TXNRD1: variants seen among roughly 807,000 people sequenced by gnomAD.
TXNRD1 encodes thioredoxin reductase 1, cytoplasmic.
A neutral mutation model predicts 80.3 loss-of-function variants in TXNRD1; 57 were observed. The ratio of observed to expected loss-of-function variants is 0.71; its 90% confidence interval spans 0.57 to 0.89. TXNRD1 has a LOEUF of 0.89. TXNRD1 is among the 40% of genes least tolerant of loss of function. The pLI is 0.00. For synonymous variants in TXNRD1, 291 were observed against 285.2 expected, an observed-to-expected ratio of 1.02 and a Z score of -0.20; for missense variants, 730 against 803.0, an observed-to-expected ratio of 0.91 and a Z score of 1.10.
intron 4 of TXNRD1, among the ~76,000 whole-genome samples, chr12:104,302,109 C>T (rs2034649942): frequency 6.6e-6 from 1 of 152,150 alleles, no homozygotes. Flanking sequence ...AGGGTAGGAT[C>T]ATATATATGT....
At chr12:104,277,879 C>G (rs145744133) in intron 3 of TXNRD1, among the ~76,000 whole-genome samples, 1 of 141,836 alleles carries the variant, frequency 7.1e-6, no homozygotes, top group Non-Finnish European at 1.5e-5. Context: ...TGGCAAGATT[C>G]TTTTTTTTTT....
intron 8 of TXNRD1, 44 bp from the exon 9 acceptor site, chr12:104,319,426 A>T: frequency 7.9e-7 from 1 of 1,271,716 alleles, no homozygotes; most frequent in Non-Finnish European, 1.1e-6. Flanking sequence ...TACAATTCTG[A>T]GGAATGATTA....
chr12:104,302,904 C>T (rs534868693), intron 4 of TXNRD1, among the ~76,000 whole-genome samples: 3 of 152,276 alleles, frequency 2.0e-5, no homozygotes, highest in Non-Finnish European at 4.4e-5. Context: ...GTAAATTTTC[C>T]CACGCAGATT....
At chr12:104,284,548 A>G (rs912903731) in intron 3 of TXNRD1, 2 of 152,240 alleles carry the variant, frequency 1.3e-5, no homozygotes, top group African/African-American at 4.8e-5. Flanking sequence ...TAAATTTGTT[A>G]TAGCTTAGAT....
rs4964287 is a variant in TXNRD1 at position 104,315,781 on chromosome 12, C to T, written c.615C>T (p.Leu205=). The change falls in exon 7 of 17, where the codon CTC becomes CTT. Residue 205 remains leucine, a synonymous_variant. Transcript: ENST00000525566. Reference sequence around the variant, plus strand: ...GATTTCTCAATGTTGTTGTAGGTCTCGGAGGAACATGTGTGAATGTGGGTT... The same window carrying T: ...GATTTCTCAATGTTGTTGTAGGTCTTGGAGGAACATGTGTGAATGTGGGTT... ...TPTPLGTRWG[L]GGTCVNVGCI... 506,265 of 1,609,308 alleles carry T rather than the reference C, an allele frequency of 0.31. 81,370 individuals carry two copies. Among genetic ancestry groups the T allele is most frequent in the African/African-American group, 0.4 (30,124 of 74,716 alleles).
Position 104,334,251 on chromosome 12 carries a change from C to T in TXNRD1, c.1665C>T (p.Tyr555=). 6.6e-7 allele frequency: 1 copy of T among 1,524,622 alleles called. No individual in the cohort carries two copies. The highest frequency in any genetic ancestry group is 8.8e-7 in the Non-Finnish European group (1 of 1,133,636). 94.4% of individuals were successfully genotyped at this position (1,524,622 alleles called of 1,614,324 possible). A position where few individuals can be genotyped will look rare whatever the true frequency, so the allele number is the denominator to read the frequency against. Residue 555 remains tyrosine, a synonymous_variant, in exon 15 of 17, where the codon TAC becomes TAT. Transcript: ENST00000525566. ...TATCTTCTTAGGTTTACCATAGTTACTTTTGGCCATTGGAATGGACGATTC... is the reference window on the plus strand; with the variant it reads ...TATCTTCTTAGGTTTACCATAGTTATTTTTGGCCATTGGAATGGACGATTC... The part of the protein sequence containing the change: ...GEENIEVYHS[Y]FWPLEWTIPS...
intron 4 of TXNRD1, among the ~76,000 whole-genome samples, chr12:104,310,468 A>G (rs1332214240): frequency 4.6e-5 from 7 of 152,146 alleles, no homozygotes; most frequent in African/African-American, 1.4e-4. Flanking sequence ...TTTTGAAAAC[A>G]TTTTATTGTG....
intron 9 of TXNRD1, among the ~76,000 whole-genome samples, chr12:104,320,208 T>C (rs1441690584): frequency 3.3e-5 from 5 of 152,384 alleles, no homozygotes; most frequent in African/African-American, 9.6e-5. Context: ...TATGAAGTCA[T>C]TAAGACAGAG....
At chr12:104,248,125 A>T (rs1157405098) in intron 1 of TXNRD1, among the ~76,000 whole-genome samples, 1 of 152,226 alleles carries the variant, frequency 6.6e-6, no homozygotes, top group Non-Finnish European at 1.5e-5. Flanking sequence ...TTGAAGTGTC[A>T]TGGATGAGGC....
intron 14 of TXNRD1, among the ~76,000 whole-genome samples, chr12:104,333,084 G>T (rs2036014784): frequency 6.6e-6 from 1 of 151,792 alleles, no homozygotes; most frequent in Non-Finnish European, 1.5e-5. Flanking sequence ...AAAAAAATGT[G>T]TAATTCTTCT....
chr12:104,330,182 ATCTCCCTGTTTT>A (rs2035901283), intron 13 of TXNRD1, among the ~76,000 whole-genome samples: 1 of 152,184 alleles, frequency 6.6e-6, no homozygotes, highest in East Asian at 1.9e-4. Flanking sequence ...TAAAGATTTT[ATCTCCCTGTTTT>A]AGAGAGTGAG....
intron 3 of TXNRD1, chr12:104,280,274 C>T (rs2135734418): frequency 6.6e-6 from 1 of 152,262 alleles, no homozygotes; most frequent in East Asian, 1.9e-4. Context: ...CTCCATGACT[C>T]AGCCCTTACC....
chr12:104,327,714 A>C, intron 13 of TXNRD1, 43 bp downstream of exon 13: 1 of 1,596,808 alleles, frequency 6.3e-7, no homozygotes, highest in Non-Finnish European at 8.6e-7. Flanking sequence ...GTTGTCAGTA[A>C]TACTCCCAGT....
intron 3 of TXNRD1, among the ~76,000 whole-genome samples, chr12:104,259,995 A>G (rs867230039): frequency 7.9e-5 from 12 of 152,340 alleles, no homozygotes; most frequent in Middle Eastern, 6.8e-3. Flanking sequence ...GATATTCTCT[A>G]TATTTTATAA....
In TXNRD1 at chr12:104,251,441, T is replaced by A. The variant is rs574289477; in HGVS notation, c.92-86T>A. On this transcript the variant is annotated intron_variant, in intron 1 of 16. Coordinates refer to ENST00000525566, the MANE Select transcript of TXNRD1 (RefSeq NM_001093771.3). ...TTGGCCTGTGGGACTTAAATGGTAA[T>A]GCTTTTAGAGTGAACCTAATATTAG... 2.0e-5 allele frequency: 28 copies of A among 1,414,578 alleles called. 1 individual carries two copies. In the Admixed American group the frequency reaches 5.4e-4, roughly 27 times the overall value. 87.6% of individuals were successfully genotyped at this position (1,414,578 alleles called of 1,614,324 possible). A position where few individuals can be genotyped will look rare whatever the true frequency, so the allele number is the denominator to read the frequency against.
Position 104,325,441 on chromosome 12 carries a change from GC to G in TXNRD1, c.1308+15del. 1 of 1,583,072 alleles carries G rather than the reference GC, an allele frequency of 6.3e-7. No homozygotes were observed. The highest frequency in any genetic ancestry group is 8.7e-7 in the Non-Finnish European group (1 of 1,154,174). ...GAGAATATAATACGGTAAGGAATGG[GC>G]CCAGGTTAATACTTTATCAGAAAGC... On this transcript the variant is annotated intron_variant, in intron 11 of 16. Coordinates refer to ENST00000525566, the MANE Select transcript of TXNRD1 (RefSeq NM_001093771.3).
intron 1 of TXNRD1, among the ~76,000 whole-genome samples, chr12:104,242,756 C>A: frequency 6.6e-6 from 1 of 152,150 alleles, no homozygotes; most frequent in Admixed American, 6.5e-5. Flanking sequence ...CCAAGACTAA[C>A]CCCCACCCTC....
At chr12:104,320,974 G>A (rs1386242987) in intron 9 of TXNRD1, 117 bp from the exon 10 acceptor site, 3 of 744,886 alleles carry the variant, frequency 4.0e-6, no homozygotes, top group Non-Finnish European at 6.7e-6. Flanking sequence ...CTAGTAGAAT[G>A]TTTATCATCT....
At chr12:104,273,257 G>A (rs964426329) in intron 3 of TXNRD1, among the ~76,000 whole-genome samples, 3 of 152,168 alleles carry the variant, frequency 2.0e-5, no homozygotes, top group African/African-American at 7.2e-5. Flanking sequence ...CAGAGATCCA[G>A]CCAGTGGAAG....
Sources: allele counts gnomAD v4.1 joint callset (sites outside exome capture counted in the v4.1 genomes callset), GRCh38; gene constraint gnomAD v4.1.1; transcripts MANE v1.5; gene names NCBI Gene and HGNC (gene_info 2026-07-23, HGNC 2026-07-21).